Variants in ZBTB38 observed in about 807,000 individuals in gnomAD.
ZBTB38 encodes zinc finger and BTB domain-containing protein 38.
A neutral mutation model predicts 76.8 loss-of-function variants in ZBTB38; 20 were observed. The ratio of observed to expected loss-of-function variants is 0.26; its 90% CI spans 0.18 to 0.38. ZBTB38 has a LOEUF of 0.38. Among genes scored for constraint, ZBTB38 ranks in the 10% least tolerant of loss-of-function variants. ZBTB38 has a pLI of 1.00. For missense variants in ZBTB38, 1,082 were observed against 1,482.3 expected, an observed-to-expected ratio of 0.73 and a Z score of 4.43; for synonymous variants, 504 against 544.2, an observed-to-expected ratio of 0.93 and a Z score of 1.03.
intron 1 of ZBTB38, among the ~76,000 whole-genome samples, chr3:141,333,062 C>T (rs2148885398): frequency 6.6e-6 from 1 of 152,298 alleles, no homozygotes; most frequent in South Asian, 2.1e-4. Context: ...CAAGAGGTCA[C>T]AAGTGATTGA....
At chr3:141,399,690 T>C (rs1207170505) in intron 4 of ZBTB38, among the ~76,000 whole-genome samples, 1 of 152,144 alleles carries the variant, frequency 6.6e-6, no homozygotes, top group African/African-American at 2.4e-5. Flanking sequence ...TAACCAATAG[T>C]AGGAAACAAA....
intron 2 of ZBTB38, among the ~76,000 whole-genome samples, chr3:141,376,927 C>T (rs901444433): frequency 4.6e-5 from 7 of 152,212 alleles, no homozygotes; most frequent in Non-Finnish European, 5.9e-5. Flanking sequence ...CCCACCCTTG[C>T]CTCTCTACAT....
chr3:141,442,582 A>G lies in ZBTB38; in HGVS notation c.194A>G (p.His65Arg). 1 of 1,614,246 alleles carries G rather than the reference A, an allele frequency of 6.2e-7. No individual in the cohort carries two copies. The highest frequency in any genetic ancestry group is 8.5e-7 in the Non-Finnish European group (1 of 1,180,046). ...TATTTTAAAAATATCTTTTGGAGCC[A>G]TACAATCTGTATTTCCAGCCACGTC... Reference protein sequence around the residue: ...SLYFKNIFWSHTICISSHVLE... With the variant: ...SLYFKNIFWSRTICISSHVLE... The change falls in exon 6 of 6, where the codon CAT becomes CGT. Residue 65 changes from histidine (H) to arginine (R), a missense_variant. Around this residue, in one of 8 missense-constraint regions of ZBTB38, gnomAD observed 68 missense variants for 153.0 expected, o/e 0.44. Coordinates refer to ENST00000321464, the MANE Select transcript of ZBTB38 (RefSeq NM_001376113.1). This position sits in a 1 kb window ranked among gnomAD's most constrained non-coding sequence, Gnocchi z 6.4.
At chr3:141,383,506 G>C (rs1946493195) in intron 3 of ZBTB38, among the ~76,000 whole-genome samples, 1 of 152,126 alleles carries the variant, frequency 6.6e-6, no homozygotes, top group Non-Finnish European at 1.5e-5. Context: ...TGGCATAAAG[G>C]AACATGCAAA....
At chr3:141,394,415 C>G (rs1487810709) in intron 4 of ZBTB38, 2 of 152,202 alleles carry the variant, frequency 1.3e-5, no homozygotes, top group Non-Finnish European at 2.9e-5. Context: ...CACCCTCCTC[C>G]CCATCACTGT....
chr3:141,337,467 C>T (rs567136876), intron 1 of ZBTB38, among the ~76,000 whole-genome samples: 60 of 152,332 alleles, frequency 3.9e-4, no homozygotes, highest in African/African-American at 1.4e-3. Context: ...CCCCTCCAAC[C>T]CTGCCGCAGT....
chr3:141,334,288 G>A (rs2148888242), intron 1 of ZBTB38, among the ~76,000 whole-genome samples: 1 of 151,676 alleles, frequency 6.6e-6, no homozygotes, highest in South Asian at 2.1e-4. Flanking sequence ...GGGAAATGCA[G>A]GTTCTCTCTG....
intron 5 of ZBTB38, among the ~76,000 whole-genome samples, chr3:141,415,960 G>A (rs2073938265): frequency 6.6e-6 from 1 of 152,120 alleles, no homozygotes; most frequent in African/African-American, 2.4e-5. Context: ...TTATAATGTA[G>A]GATTTTAATG....
chr3:141,377,664 G>A (rs1945582238), intron 2 of ZBTB38, among the ~76,000 whole-genome samples: 1 of 152,182 alleles, frequency 6.6e-6, no homozygotes, highest in African/African-American at 2.4e-5. Context: ...AACATTTATA[G>A]CAGCTTTATT....
chr3:141,380,936 T>G (rs1946113348), intron 2 of ZBTB38, among the ~76,000 whole-genome samples: 1 of 152,170 alleles, frequency 6.6e-6, no homozygotes, highest in Non-Finnish European at 1.5e-5. Context: ...TGAGGTGGAT[T>G]TTTATGGATC....
intron 5 of ZBTB38, chr3:141,432,236 G>T (rs377459065): frequency 1.0e-6 from 1 of 985,464 alleles, no homozygotes; most frequent in Non-Finnish European, 1.2e-6. Context: ...ACTTTTGCAG[G>T]ATTCCAGGTC....
chr3:141,326,913 G>A (rs1244003345), intron 1 of ZBTB38, among the ~76,000 whole-genome samples: 2 of 152,188 alleles, frequency 1.3e-5, no homozygotes, highest in African/African-American at 4.8e-5. Context: ...TTGCCAGATG[G>A]ACCCCTGGAC....
intron 5 of ZBTB38, among the ~76,000 whole-genome samples, chr3:141,434,722 A>G (rs894469788): frequency 6.6e-6 from 1 of 152,168 alleles, no homozygotes; most frequent in African/African-American, 2.4e-5. Flanking sequence ...AAGTCTAATT[A>G]TAAAATATGT....
rs1252365413 is a variant in ZBTB38 at position 141,444,888 on chromosome 3, G to T, written c.2500G>T (p.Ala834Ser). Residue 834 changes from alanine to serine, a missense_variant, in exon 6 of 6, where the codon GCA becomes TCA. Ala to Ser is a moderately conservative substitution (Grantham distance 99). This residue lies in a region of ZBTB38 where 471 missense variants were observed against 581.0 expected (regional missense o/e 0.81). Coordinates refer to ENST00000321464, the MANE Select transcript of ZBTB38 (RefSeq NM_001376113.1). The surrounding 1 kb of genome is among the most constrained non-coding windows in gnomAD (Gnocchi z 5.1). ...LPGTSTNSNVAPLCQITVKIG... is the reference protein window; with the variant it reads ...LPGTSTNSNVSPLCQITVKIG... ...GGGAACCTCCACAAATAGTAATGTT[G>T]CACCCCTTTGCCAAATAACAGTGAA... The T allele has an allele frequency of 6.2e-7, 1 of 1,613,980 alleles. No homozygotes were observed. The highest frequency in any genetic ancestry group is 8.5e-7 in the Non-Finnish European group (1 of 1,180,022).
chr3:141,439,810 A>C (rs143650387), intron 5 of ZBTB38, among the ~76,000 whole-genome samples: 133 of 152,364 alleles, frequency 8.7e-4, no homozygotes, highest in Non-Finnish European at 1.5e-3. Flanking sequence ...AGTCAGGCTG[A>C]TAAAGAATTA....
intron 1 of ZBTB38, among the ~76,000 whole-genome samples, chr3:141,340,523 T>C (rs1943141653): frequency 6.6e-6 from 1 of 152,138 alleles, no homozygotes; most frequent in Non-Finnish European, 1.5e-5. Context: ...ATAAAAACTC[T>C]TCAACTCAAT....
chr3:141,426,894 A>G (rs1157058310), intron 5 of ZBTB38, among the ~76,000 whole-genome samples: 3 of 152,176 alleles, frequency 2.0e-5, no homozygotes, highest in Non-Finnish European at 4.4e-5. Flanking sequence ...TTGGGCTGTA[A>G]TAGCTTTGTG....
intron 2 of ZBTB38, among the ~76,000 whole-genome samples, chr3:141,373,147 G>C (rs1010270739): frequency 6.6e-6 from 1 of 152,182 alleles, no homozygotes; most frequent in Admixed American, 6.5e-5. Flanking sequence ...AAGCAGGATT[G>C]TGTACAAACA....
chr3:141,359,239 C>G (rs1379786790), intron 1 of ZBTB38, among the ~76,000 whole-genome samples: 1 of 152,184 alleles, frequency 6.6e-6, no homozygotes, highest in Non-Finnish European at 1.5e-5. Context: ...TTGGAAGATG[C>G]TGCTGCTCTT....
Sources: gnomAD v4.1 joint callset for allele counts (sites outside exome capture counted in the v4.1 genomes callset) on GRCh38, gnomAD v4.1.1 for gene constraint, gnomAD v4.1.1 regional missense constraint, Gnocchi (gnomAD v3.1) non-coding constraint, MANE v1.5 for transcripts, NCBI Gene and HGNC (gene_info 2026-07-23, HGNC 2026-07-21) for gene names.